The following ARSJ variants were observed in gnomAD, a reference collection of about 807,000 sequenced individuals.
The protein encoded by ARSJ is arylsulfatase family member J.
ARSJ carries 26 observed loss-of-function variants against 35.9 expected under a neutral mutation model. That is an observed-to-expected ratio of 0.72 (90% CI 0.53 to 1.00). The LOEUF (loss-of-function observed/expected upper bound fraction) is 1.00, where lower values mean the gene tolerates loss of function less well. Among genes scored for constraint, ARSJ ranks in the 50% least tolerant of loss-of-function variants. ARSJ has a pLI of 0.00. For missense variants in ARSJ, 667 were observed against 723.6 expected (o/e 0.92, Z 0.90); for synonymous variants, 294 against 267.6 (o/e 1.10, Z -0.96).
chr4:113,963,263 G>A (rs1214200017), intron 1 of ARSJ, among the ~76,000 whole-genome samples: 4 of 151,998 alleles, frequency 2.6e-5, no homozygotes, highest in Non-Finnish European at 5.9e-5. Flanking sequence ...CAGTGTATTA[G>A]TCCATCCTCA....
At chr4:113,935,438 GACAAGACATAGAAATGTAC>G (rs1724705765) in intron 1 of ARSJ, among the ~76,000 whole-genome samples, 1 of 151,836 alleles carries the variant, frequency 6.6e-6, no homozygotes, top group African/African-American at 2.4e-5. Flanking sequence ...AAATAAGAAG[GACAAGACATAGAAATGTAC>G]ACAAGACAGA....
At chr4:113,929,709 G>T (rs543929625) in intron 1 of ARSJ, among the ~76,000 whole-genome samples, 1 of 151,986 alleles carries the variant, frequency 6.6e-6, no homozygotes, top group African/African-American at 2.4e-5. Flanking sequence ...TTTCTGTTTC[G>T]CTCAGGGCAA....
rs959066127 is a variant in ARSJ at position 113,900,884 on chromosome 4, T to C, written c.*1390A>G. ...CCTACTCCAGGCAGGATCCGTATCT[T>C]CCATTTCTCTGTATCTCCCCACAGT... On this transcript the variant is annotated 3_prime_UTR_variant, in exon 2 of 2. Transcript: ENST00000315366. 6.6e-6 allele frequency: 1 copy of C among 152,198 alleles called. No individual in the cohort carries two copies. Among genetic ancestry groups the C allele is most frequent in the African/African-American group, 2.4e-5 (1 of 41,434 alleles). The allele number at this position is 152,198 out of a possible 1,614,324, so 9.4% of individuals were successfully genotyped here.
At chr4:113,976,750 A>G (rs1727615640) in intron 1 of ARSJ, among the ~76,000 whole-genome samples, 1 of 152,212 alleles carries the variant, frequency 6.6e-6, no homozygotes. Context: ...CTAAATAAAA[A>G]TTTTTAATGA....
chr4:113,907,781 T>G (rs1242356245), intron 1 of ARSJ, among the ~76,000 whole-genome samples: 1 of 152,160 alleles, frequency 6.6e-6, no homozygotes, highest in Admixed American at 6.5e-5. Context: ...AATCATGTCC[T>G]TTGCAGTAAT....
intron 1 of ARSJ, among the ~76,000 whole-genome samples, chr4:113,971,287 T>C (rs2110335458): frequency 6.6e-6 from 1 of 152,366 alleles, no homozygotes; most frequent in African/African-American, 2.4e-5. Context: ...GGTCTTTTGG[T>C]TCTCCTATCT....
At chr4:113,942,756 T>C (rs1466558948) in intron 1 of ARSJ, among the ~76,000 whole-genome samples, 1 of 152,112 alleles carries the variant, frequency 6.6e-6, no homozygotes, top group African/African-American at 2.4e-5. Context: ...AAAAGTGATT[T>C]TAAAATTATG....
chr4:113,926,565 G>A (rs1724079972), intron 1 of ARSJ, among the ~76,000 whole-genome samples: 1 of 152,122 alleles, frequency 6.6e-6, no homozygotes, highest in Non-Finnish European at 1.5e-5. Flanking sequence ...GAGGTAGGAG[G>A]AAGGCAGGGT....
In ARSJ at chr4:113,963,210, T is replaced by C. The variant is rs140957701; in HGVS notation, c.398+15227A>G. On this transcript the variant is annotated intron_variant, in intron 1 of 1. Transcript: ENST00000315366. ...TTCTTGCACTAGAATATGAACACCA[T>C]GAAAACAGGGATTTTTATAGGTTTG... Among the ~76,000 whole-genome samples the C allele has an allele frequency of 3.5e-4, 54 of 152,176 alleles. 1 individual carries two copies. The East Asian group carries it at 9.5e-3, about 27-fold the overall frequency.
intron 1 of ARSJ, among the ~76,000 whole-genome samples, chr4:113,953,250 G>A (rs1018256225): frequency 1.3e-5 from 2 of 152,006 alleles, no homozygotes; most frequent in Non-Finnish European, 2.9e-5. Context: ...AAAGCTTGGA[G>A]CAATCTTCTC....
chr4:113,938,970 G>A (rs1724946345), intron 1 of ARSJ, among the ~76,000 whole-genome samples: 2 of 151,618 alleles, frequency 1.3e-5, no homozygotes, highest in Admixed American at 1.3e-4. Context: ...GTGCAGGTTA[G>A]TTGCATATGT....
intron 1 of ARSJ, among the ~76,000 whole-genome samples, chr4:113,918,992 A>C (rs1377688605): frequency 6.6e-6 from 1 of 152,134 alleles, no homozygotes; most frequent in African/African-American, 2.4e-5. Flanking sequence ...ATGCCAAAAT[A>C]TTGGGCTGAT....
intron 1 of ARSJ, among the ~76,000 whole-genome samples, chr4:113,940,092 A>G (rs1310225823): frequency 1.3e-5 from 2 of 152,084 alleles, no homozygotes; most frequent in East Asian, 3.9e-4. Flanking sequence ...GATTTCTTAA[A>G]GACCTAGAGC....
intron 1 of ARSJ, among the ~76,000 whole-genome samples, chr4:113,935,748 T>C (rs904927294): frequency 1.3e-5 from 2 of 151,850 alleles, no homozygotes; most frequent in African/African-American, 4.8e-5. Context: ...GCTACCCTCT[T>C]AAAAAAGACA....
At chr4:113,952,885 A>G (rs1006228009) in intron 1 of ARSJ, among the ~76,000 whole-genome samples, 3 of 152,070 alleles carry the variant, frequency 2.0e-5, no homozygotes, top group Non-Finnish European at 2.9e-5. Context: ...TTTGATATCA[A>G]TGCCAGAAAA....
chr4:113,903,265 G>T lies in ARSJ; in HGVS notation c.809C>A (p.Ser270Ter). 2 of 1,614,196 alleles carry T rather than the reference G, an allele frequency of 1.2e-6. No homozygotes were observed. Among genetic ancestry groups the T allele is most frequent in the Non-Finnish European group, 1.7e-6 (2 of 1,180,042 alleles). Reference protein sequence around the residue: ...FLYIAYQAVHSPLQAPGRYFE... With the variant: ...FLYIAYQAVH The stretch of plus-strand genomic sequence containing the variant: ...ATACCTGCCAGGAGCTTGCAGTGGT[G>T]AATGAACAGCTTGATAGGCAATATA... Residue 270 changes from serine to a stop codon, truncating the protein, a stop_gained, in exon 2 of 2, where the codon TCA becomes TAA. Transcript: ENST00000315366. LOFTEE classifies it high-confidence loss of function.
intron 1 of ARSJ, among the ~76,000 whole-genome samples, chr4:113,927,153 G>C (rs1724123312): frequency 6.6e-6 from 1 of 152,090 alleles, no homozygotes; most frequent in African/African-American, 2.4e-5. Flanking sequence ...AATCCAAATA[G>C]GCCCACTAGG....
chr4:113,926,176 A>G (rs1003250405), intron 1 of ARSJ, among the ~76,000 whole-genome samples: 3 of 151,822 alleles, frequency 2.0e-5, no homozygotes, highest in East Asian at 1.9e-4. Context: ...TGACCACTCA[A>G]AGAAGTCCAT....
chr4:113,911,184 G>A (rs2149252029), intron 1 of ARSJ, among the ~76,000 whole-genome samples: 1 of 152,210 alleles, frequency 6.6e-6, no homozygotes, highest in East Asian at 1.9e-4. Context: ...AGAGAATTTG[G>A]GTCTCTGTAG....
Sources: gnomAD v4.1 joint callset for allele counts (sites outside exome capture counted in the v4.1 genomes callset) on GRCh38, gnomAD v4.1.1 for gene constraint, MANE v1.5 for transcripts, NCBI Gene and HGNC (gene_info 2026-07-23, HGNC 2026-07-21) for gene names.